The following STK17A variants were observed in gnomAD, a reference collection of about 807,000 sequenced individuals.
STK17A encodes serine/threonine-protein kinase 17A.
Under a neutral mutation model 43.7 loss-of-function variants are expected in STK17A, and 26 were observed. The ratio of observed to expected loss-of-function variants is 0.60; its 90% CI spans 0.44 to 0.83. STK17A has a LOEUF of 0.83. Ranked by LOEUF, STK17A falls within the 40% of genes least tolerant of loss-of-function variation. The pLI, the probability that STK17A is intolerant of heterozygous loss-of-function variation, is 0.00. For synonymous variants in STK17A, 191 were observed against 182.5 expected, an observed-to-expected ratio of 1.05 and a Z score of -0.38; for missense variants, 476 against 511.6, an observed-to-expected ratio of 0.93 and a Z score of 0.67.
At chr7:43,599,502 T>G (rs2082542395) in intron 2 of STK17A, among the ~76,000 whole-genome samples, 1 of 152,232 alleles carries the variant, frequency 6.6e-6, no homozygotes, top group Admixed American at 6.5e-5. Flanking sequence ...CTTGTATGCT[T>G]AACTTAATCA....
chr7:43,583,230 C>T lies in STK17A; in HGVS notation c.-14C>T. 1.9e-6 allele frequency: 3 copies of T among 1,554,588 alleles called. No individual in the cohort carries two copies. The highest frequency in any genetic ancestry group is 2.6e-6 in the Non-Finnish European group (3 of 1,152,320). The stretch of plus-strand genomic sequence containing the variant: ...AGTGAACAGGCGGCCAGGAAAGAAG[C>T]GGGCCTGAACACCATGATCCCTTTG... On this transcript the variant is annotated 5_prime_UTR_variant, in exon 1 of 7. Transcript: ENST00000319357.
At chr7:43,622,425 T>C (rs1005136316) in intron 4 of STK17A, 4 of 152,198 alleles carry the variant, frequency 2.6e-5, no homozygotes, top group African/African-American at 9.6e-5. Context: ...TTCATAGAAA[T>C]AGAACATTTT....
At chr7:43,606,727 C>T (rs1011891978) in intron 2 of STK17A, among the ~76,000 whole-genome samples, 19 of 151,954 alleles carry the variant, frequency 1.3e-4, no homozygotes, top group African/African-American at 3.9e-4. Flanking sequence ...TTTAACATCT[C>T]AGATTGTTCT....
chr7:43,591,368 A>G lies in STK17A; in HGVS notation c.207-4533A>G, dbSNP rs1459609418. On this transcript the variant is annotated intron_variant, in intron 1 of 6. Transcript: ENST00000319357. ...GTAAAAGGTTCATTGGAAGCCAAAC[A>G]TACCCATTCATTTACCTTTCTTGTA... 2.0e-5 allele frequency among the ~76,000 whole-genome samples: 3 copies of G among 151,592 alleles called. 1 individual carries two copies. The highest frequency in any genetic ancestry group is 2.0e-4 in the Admixed American group (3 of 15,220).
chr7:43,614,186 A>G (rs1047824807), intron 3 of STK17A, among the ~76,000 whole-genome samples: 1 of 152,236 alleles, frequency 6.6e-6, no homozygotes, highest in Non-Finnish European at 1.5e-5. Flanking sequence ...GTGATTGTTC[A>G]GTAAACGTTA....
At position 43,627,194 on chromosome 7, in the gene STK17A, A is replaced by G. The variant is rs568774175; in HGVS notation, c.*2352A>G. Among the ~76,000 whole-genome samples the G allele has an allele frequency of 1.3e-5, 2 of 152,224 alleles. No individual in the cohort carries two copies. The highest frequency in any genetic ancestry group is 4.8e-5 in the African/African-American group (2 of 41,466). On this transcript the variant is annotated 3_prime_UTR_variant, in exon 7 of 7. Coordinates refer to ENST00000319357, the MANE Select transcript of STK17A (RefSeq NM_004760.3). ...AAATGTATAAAATGTATAAGTTTTA[A>G]TCAACTGGGAAATGATATTTGATTG...
intron 1 of STK17A, among the ~76,000 whole-genome samples, chr7:43,584,907 G>A (rs1008706095): frequency 2.6e-5 from 4 of 152,214 alleles, no homozygotes; most frequent in African/African-American, 9.6e-5. Context: ...CCTGAAAAAA[G>A]GAAAACTGGC....
intron 2 of STK17A, among the ~76,000 whole-genome samples, chr7:43,607,027 G>A (rs2082603353): frequency 6.9e-6 from 1 of 143,976 alleles, no homozygotes; most frequent in African/African-American, 2.6e-5. Flanking sequence ...AGGTTCAAGT[G>A]ATTCTCCTGC....
chr7:43,602,011 GAC>G (rs1469569552), intron 2 of STK17A, among the ~76,000 whole-genome samples: 1 of 151,926 alleles, frequency 6.6e-6, no homozygotes, highest in Admixed American at 6.6e-5. Context: ...AAGGCCATCA[GAC>G]ACACACTCCC....
intron 2 of STK17A, among the ~76,000 whole-genome samples, chr7:43,603,849 C>G (rs1300979693): frequency 6.6e-6 from 1 of 152,168 alleles, no homozygotes; most frequent in Non-Finnish European, 1.5e-5. Flanking sequence ...ATAAAATTAT[C>G]TTCAGGCTAT....
chr7:43,598,783 A>G (rs2082537274), intron 2 of STK17A, among the ~76,000 whole-genome samples: 1 of 149,342 alleles, frequency 6.7e-6, no homozygotes, highest in African/African-American at 2.5e-5. Context: ...TTTTTTTTTG[A>G]GACGGAGTCT....
At chr7:43,603,871 G>A (rs2152971954) in intron 2 of STK17A, among the ~76,000 whole-genome samples, 1 of 152,280 alleles carries the variant, frequency 6.6e-6, no homozygotes, top group Non-Finnish European at 1.5e-5. Context: ...TATGTAAGTT[G>A]CATATGAAAT....
In STK17A at chr7:43,583,158, C is replaced by T. The variant is rs2082411147; in HGVS notation, c.-86C>T. The T allele has an allele frequency of 1.4e-6, 2 of 1,431,402 alleles. No individual in the cohort carries two copies. Among genetic ancestry groups the T allele is most frequent in the Admixed American group, 4.5e-5 (2 of 44,038 alleles). The allele number at this position is 1,431,402 out of a possible 1,614,324, so 88.7% of individuals were successfully genotyped here. A position where few individuals can be genotyped will look rare whatever the true frequency, so the allele number is the denominator to read the frequency against. On this transcript the variant is annotated 5_prime_UTR_variant, in exon 1 of 7. Transcript: ENST00000319357. ...AGCGGGTGTTTGAAGGCTCCGCGGA[C>T]CGGCACTAGGAGCCGGGGGCGGGTC... is the stretch of plus-strand genomic sequence containing the variant.
intron 2 of STK17A, among the ~76,000 whole-genome samples, chr7:43,596,786 G>A (rs1156750765): frequency 6.6e-6 from 1 of 151,160 alleles, no homozygotes; most frequent in Non-Finnish European, 1.5e-5. Context: ...GGGAATTGCT[G>A]GAACCAAGGA....
At chr7:43,618,762 G>A (rs2083578450) in intron 3 of STK17A, among the ~76,000 whole-genome samples, 1 of 152,088 alleles carries the variant, frequency 6.6e-6, no homozygotes, top group African/African-American at 2.4e-5. Flanking sequence ...CTGATTCTGT[G>A]GCTCTGGGGA....
intron 2 of STK17A, among the ~76,000 whole-genome samples, chr7:43,596,881 A>C (rs1184870241): frequency 6.6e-6 from 1 of 151,874 alleles, no homozygotes; most frequent in Non-Finnish European, 1.5e-5. Context: ...AAAAAAAAAA[A>C]AAAAACCTTA....
chr7:43,615,469 G>A (rs187578183), intron 3 of STK17A, among the ~76,000 whole-genome samples: 24 of 151,444 alleles, frequency 1.6e-4, no homozygotes, highest in Admixed American at 7.2e-4. Context: ...GAGCCACTGC[G>A]CCCAGCCCTT....
chr7:43,610,112 C>T lies in STK17A; in HGVS notation c.564+1712C>T, dbSNP rs1052298853. Among the ~76,000 whole-genome samples the T allele has an allele frequency of 6.6e-5, 10 of 152,130 alleles. No homozygotes were observed. In the East Asian group the frequency reaches 7.7e-4, roughly 12 times the overall value. On this transcript the variant is annotated intron_variant, in intron 3 of 6. Transcript: ENST00000319357. ...CTGTAATCCCAGCACTTTGGGAGGC[C>T]GAGGTGGGCGGATCACAAGGTCAGG...
intron 1 of STK17A, among the ~76,000 whole-genome samples, chr7:43,592,854 A>C (rs2082489163): frequency 6.6e-6 from 1 of 152,176 alleles, no homozygotes; most frequent in Non-Finnish European, 1.5e-5. Flanking sequence ...TGACAGAACG[A>C]GACTGTGTCT....
Sources: gnomAD v4.1 joint callset for allele counts (sites outside exome capture counted in the v4.1 genomes callset) on GRCh38, gnomAD v4.1.1 for gene constraint, MANE v1.5 for transcripts, NCBI Gene and HGNC (gene_info 2026-07-23, HGNC 2026-07-21) for gene names.